Variants in DENND10 observed in about 807,000 individuals in gnomAD.
DENND10 encodes the protein DENN domain containing 10.
DENND10 carries 24 observed loss-of-function variants against 43.6 expected under a neutral mutation model. The observed-to-expected ratio is 0.55, with a 90% confidence interval of 0.40 to 0.77. The LOEUF (loss-of-function observed/expected upper bound fraction) is 0.77. DENND10 is among the 30% of genes least tolerant of loss of function. The pLI is 0.00. For synonymous variants in DENND10, 125 were observed against 157.6 expected (o/e 0.79, Z 1.55); for missense variants, 303 against 429.9 (o/e 0.70, Z 2.61).
rs1175412178 is a variant in DENND10, at chr10:119,124,371, CAAAAAAAAAA to C, written c.694+813_694+822del. On this transcript the variant is annotated intron_variant, in intron 6 of 8. Transcript: ENST00000361432. ...GGAAACCGTATCTCTACTAAAATACCAAAAAAAAAAAAAAAAAAAATTAGCCGGGTGTGGT... is the reference window on the plus strand; with the variant it reads ...GGAAACCGTATCTCTACTAAAATACCAAAAAAAAAATTAGCCGGGTGTGGT... Among the ~76,000 whole-genome samples the C allele has an allele frequency of 2.9e-5, 3 of 104,870 alleles. No homozygotes were observed. In the East Asian group the frequency reaches 8.6e-4, roughly 30 times the overall value. The allele number at this position is 104,870 out of a possible 152,430, so 68.8% of individuals were successfully genotyped here. A position where few individuals can be genotyped will look rare whatever the true frequency, so the allele number is the denominator to read the frequency against.
chr10:119,107,963 C>T lies in DENND10; in HGVS notation c.56-5C>T, dbSNP rs766120052. On this transcript the variant is annotated splice_polypyrimidine_tract_variant and splice_region_variant and intron_variant, in intron 1 of 8. Transcript: ENST00000361432. ...ATTCTCACAGTGACCATCTTTCCAC[C>T]GTAGAAAAGGACACAAATGGAGAAG... 13 of 1,613,522 alleles carry T rather than the reference C, an allele frequency of 8.1e-6. No homozygotes were observed. Among genetic ancestry groups the T allele is most frequent in the African/African-American group, 4.0e-5 (3 of 74,874 alleles).
chr10:119,112,640 C>T (rs1369629167), intron 3 of DENND10, among the ~76,000 whole-genome samples: 4 of 151,188 alleles, frequency 2.6e-5, no homozygotes, highest in African/African-American at 7.3e-5. Context: ...ACTGCAGGTG[C>T]GCACTTCCAT....
chr10:119,128,860 T>C (rs918222060), intron 6 of DENND10, among the ~76,000 whole-genome samples: 1 of 151,980 alleles, frequency 6.6e-6, no homozygotes, highest in African/African-American at 2.4e-5. Context: ...AGAACCACAC[T>C]AAGAGGATGG....
intron 8 of DENND10, chr10:119,133,836 T>G (rs1177332962): frequency 1.4e-5 from 2 of 147,210 alleles, no homozygotes; most frequent in Non-Finnish European, 2.9e-5. Context: ...AACATTAGAG[T>G]AAAGACATAT....
rs1846379026 is a variant in DENND10, at chr10:119,136,720, A to G, written c.*73A>G. On this transcript the variant is annotated 3_prime_UTR_variant, in exon 9 of 9. Transcript: ENST00000361432. ...ACTCTGATTACCCACTCACTACATG[A>G]AGTCCTGAAAATAACAGAGAAACTG... 1.5e-6 allele frequency: 1 copy of G among 676,592 alleles called. No individual in the cohort carries two copies. The highest frequency in any genetic ancestry group is 2.4e-6 in the Non-Finnish European group (1 of 411,240). The allele number at this position is 676,592 out of a possible 1,614,324, so 41.9% of individuals were successfully genotyped here.
chr10:119,121,459 T>G (rs1845573530), intron 5 of DENND10, among the ~76,000 whole-genome samples: 1 of 148,076 alleles, frequency 6.8e-6, no homozygotes, highest in Admixed American at 6.7e-5. Flanking sequence ...TTTTTTTTTT[T>G]TTTTTTTTGG....
At chr10:119,126,757 G>T (rs577136358) in intron 6 of DENND10, among the ~76,000 whole-genome samples, 1 of 152,042 alleles carries the variant, frequency 6.6e-6, no homozygotes, top group African/African-American at 2.4e-5. Flanking sequence ...GAGCCACTGC[G>T]CCCAGCCGTC....
Position 119,132,605 on chromosome 10 carries a change from T to C in DENND10, c.893T>C (p.Ile298Thr), listed in dbSNP as rs1477827780. 6 of 1,612,082 alleles carry C rather than the reference T, an allele frequency of 3.7e-6. No homozygotes were observed. Among genetic ancestry groups the C allele is most frequent in the African/African-American group, 1.3e-5 (1 of 74,902 alleles). ...EDPEKSESHV[I>T]QDIALKTREI... ...CCAGAGAAATCAGAGAGCCACGTTA[T>C]ACAGGTAACTCCCTCACCTTCTGAC... The change falls in exon 8 of 9, where the codon ATA becomes ACA. Residue 298 changes from isoleucine to threonine, a missense_variant. Ile to Thr is a moderately conservative substitution (Grantham distance 89). Transcript: ENST00000361432. The surrounding 1 kb of genome is among the most constrained non-coding windows in gnomAD (Gnocchi z 4.2).
At chr10:119,135,500 G>A (rs1846285374) in intron 8 of DENND10, among the ~76,000 whole-genome samples, 1 of 152,122 alleles carries the variant, frequency 6.6e-6, no homozygotes, top group Admixed American at 6.6e-5. Flanking sequence ...TCTGATACAT[G>A]CTATAGCATG....
chr10:119,132,989 T>A lies in DENND10; in HGVS notation c.897+380T>A, dbSNP rs1846152659. The A allele has an allele frequency of 4.9e-6, 1 of 202,504 alleles. No homozygotes were observed. The highest frequency in any genetic ancestry group is 2.3e-5 in the African/African-American group (1 of 43,098). The allele number at this position is 202,504 out of a possible 1,614,324, so 12.5% of individuals were successfully genotyped here. A position where few individuals can be genotyped will look rare whatever the true frequency, so the allele number is the denominator to read the frequency against. On this transcript the variant is annotated intron_variant, in intron 8 of 8. Coordinates refer to ENST00000361432, the MANE Select transcript of DENND10 (RefSeq NM_207009.4). The surrounding 1 kb of genome is among the most constrained non-coding windows in gnomAD (Gnocchi z 4.2). ...TTGCTGAGCATGGGGAACTAGATTG[T>A]CAAAATTTTGCTTTGCTTGTCTCCA...
At chr10:119,118,343 T>C (rs923171513) in intron 4 of DENND10, among the ~76,000 whole-genome samples, 2 of 152,230 alleles carry the variant, frequency 1.3e-5, no homozygotes, top group African/African-American at 4.8e-5. Context: ...GGATTACATT[T>C]CTTTTCTTAG....
At chr10:119,125,833 T>A (rs1015198278) in intron 6 of DENND10, among the ~76,000 whole-genome samples, 12 of 152,104 alleles carry the variant, frequency 7.9e-5, no homozygotes, top group Admixed American at 5.2e-4. Context: ...TAGTTATTTT[T>A]AAATATACAA....
At chr10:119,106,665 C>G (rs1367341114) in intron 1 of DENND10, among the ~76,000 whole-genome samples, 1 of 152,202 alleles carries the variant, frequency 6.6e-6, no homozygotes, top group African/African-American at 2.4e-5. Context: ...AAAATTCACA[C>G]AGTTGGTATG....
chr10:119,130,205 G>A (rs1214717013), intron 7 of DENND10, among the ~76,000 whole-genome samples: 2 of 151,826 alleles, frequency 1.3e-5, no homozygotes, highest in Non-Finnish European at 2.9e-5. Flanking sequence ...CTTATGCCCA[G>A]GCTGGAGTGC....
intron 8 of DENND10, among the ~76,000 whole-genome samples, chr10:119,135,818 C>CAAAAAAAAAAAAAAAAAAAAAAAA (rs1174927246): frequency 6.5e-5 from 5 of 76,484 alleles, no homozygotes; most frequent in Middle Eastern, 7.9e-3. Context: ...AAAAAAAAAC[C>CAAAAAAAAAAAAAAAAAAAAAAAA]AAAACCACAC....
intron 8 of DENND10, chr10:119,133,799 G>A (rs1280104155): frequency 6.6e-6 from 1 of 152,248 alleles, no homozygotes; most frequent in Admixed American, 6.6e-5. Flanking sequence ...TTCCTACCAT[G>A]GGAATCCTCA....
intron 6 of DENND10, among the ~76,000 whole-genome samples, chr10:119,126,088 A>G (rs1845818401): frequency 6.6e-6 from 1 of 152,170 alleles, no homozygotes; most frequent in African/African-American, 2.4e-5. Flanking sequence ...CTTTTACTTA[A>G]CATGATGCCT....
At chr10:119,117,264 C>T (rs913254146) in intron 3 of DENND10, among the ~76,000 whole-genome samples, 10 of 151,748 alleles carry the variant, frequency 6.6e-5, no homozygotes, top group East Asian at 3.9e-4. Flanking sequence ...CCCAGGTACT[C>T]GGGAGGCTGA....
chr10:119,126,067 G>A (rs1564795724), intron 6 of DENND10, among the ~76,000 whole-genome samples: 1 of 152,004 alleles, frequency 6.6e-6, no homozygotes, highest in Non-Finnish European at 1.5e-5. Context: ...TTGTCTTTCT[G>A]TCCGTGGCTT....
Sources: gnomAD v4.1 joint callset for allele counts (sites outside exome capture counted in the v4.1 genomes callset) on GRCh38, gnomAD v4.1.1 for gene constraint, Gnocchi (gnomAD v3.1) non-coding constraint, MANE v1.5 for transcripts, NCBI Gene and HGNC (gene_info 2026-07-23, HGNC 2026-07-21) for gene names.